PUDP: variants seen among roughly 807,000 people sequenced by gnomAD.
PUDP encodes the protein pseudouridine 5'-phosphatase.
A neutral mutation model predicts 9.4 loss-of-function variants in PUDP; 8 were observed. The ratio of observed to expected loss-of-function variants is 0.85; its 90% CI spans 0.50 to 1.53. The LOEUF (loss-of-function observed/expected upper bound fraction) is 1.53, where lower values mean the gene tolerates loss of function less well. PUDP is among the 40% of genes most tolerant of loss of function. PUDP has a pLI of 0.00. For synonymous variants in PUDP, 99 were observed against 80.7 expected (o/e 1.23, Z -1.22); for missense variants, 188 against 189.7 (o/e 0.99, Z 0.05).
At chrX:6,872,772 C>T (rs1234314559) in intron 3 of PUDP, among the ~76,000 whole-genome samples, 1 of 106,811 alleles carries the variant, frequency 9.4e-6, no homozygotes, top group Non-Finnish European at 1.9e-5. Flanking sequence ...ATTAAGACTT[C>T]AACATATTAT....
chrX:7,022,568 A>G (rs1929648175), intron 1 of PUDP, among the ~76,000 whole-genome samples: 1 of 111,529 alleles, frequency 9.0e-6, no homozygotes, highest in African/African-American at 3.3e-5. Flanking sequence ...GAGAATCACT[A>G]TGGAGCACAT....
In PUDP at chrX:7,105,710, C is replaced by A; in HGVS notation, c.190G>T (p.Val64Phe). The A allele has an allele frequency of 8.3e-7, 1 of 1,209,127 alleles. No individual in the cohort carries two copies. The highest frequency in any genetic ancestry group is 1.1e-6 in the Non-Finnish European group (1 of 893,748). The change falls in exon 2 of 4, where the codon GTC becomes TTC. Residue 64 changes from valine to phenylalanine, a missense_variant. Val to Phe is a conservative substitution (Grantham distance 50). Transcript: ENST00000381077. Reference sequence around the variant, plus strand: ...TCTTTGGACATCGGGAGCTGCAAGACGTCTATTATAATCTGTGCCGCCTCT... The same window carrying A: ...TCTTTGGACATCGGGAGCTGCAAGAAGTCTATTATAATCTGTGCCGCCTCT... Reference protein sequence around the residue: ...ALEAAQIIIDVLQLPMSKEEL... With the variant: ...ALEAAQIIIDFLQLPMSKEEL...
At chrX:6,823,152 G>A (rs912506234) in intron 3 of PUDP, among the ~76,000 whole-genome samples, 7 of 111,261 alleles carry the variant, frequency 6.3e-5, no homozygotes, top group African/African-American at 2.0e-4. Flanking sequence ...ACTTCAGCCC[G>A]GGTGACAAAG....
intron 1 of PUDP, among the ~76,000 whole-genome samples, chrX:6,718,854 A>G (rs1856651332): frequency 1.8e-5 from 2 of 112,139 alleles, no homozygotes; most frequent in Admixed American, 1.9e-4. Context: ...AGATAGCTAC[A>G]GGGCAAAGAA....
intron 3 of PUDP, among the ~76,000 whole-genome samples, chrX:6,755,020 A>G (rs1201306558): frequency 9.0e-6 from 1 of 111,510 alleles, no homozygotes; most frequent in African/African-American, 3.3e-5. Context: ...CCCAAATCAC[A>G]GTGCTGGAGT....
intron 1 of PUDP, among the ~76,000 whole-genome samples, chrX:7,012,473 T>C (rs2054790353): frequency 8.9e-6 from 1 of 111,862 alleles, no homozygotes; most frequent in Non-Finnish European, 1.9e-5. Context: ...AGAGAGTCAC[T>C]GCCGCACGCT....
At chrX:6,976,426 C>T (rs1220417579) in intron 3 of PUDP, among the ~76,000 whole-genome samples, 1 of 111,620 alleles carries the variant, frequency 9.0e-6, no homozygotes, top group Non-Finnish European at 1.9e-5. Flanking sequence ...ATGGCACAGT[C>T]CCTCACAGCT....
rs150302427 is a variant in PUDP, at chrX:6,743,932, C to T, written c.*248-37466G>A. Reference sequence around the variant, plus strand: ...ATAATGACCACATCTATGTAGTAATCGGAACGACCACAGTGTCTTCATGAT... The same window carrying T: ...ATAATGACCACATCTATGTAGTAATTGGAACGACCACAGTGTCTTCATGAT... On this transcript the variant is annotated intron_variant and NMD_transcript_variant, in intron 3 of 3. Coordinates refer to the PUDP transcript ENST00000655425. 1.0e-2 allele frequency among the ~76,000 whole-genome samples: 1,113 copies of T among 111,711 alleles called. 34 individuals carry two copies. The highest frequency in any genetic ancestry group is 0.035 in the African/African-American group (1,058 of 30,538).
chrX:6,816,086 A>G (rs1269206567), intron 3 of PUDP, among the ~76,000 whole-genome samples: 1 of 107,124 alleles, frequency 9.3e-6, no homozygotes, highest in Non-Finnish European at 1.9e-5. Context: ...ATATATACTT[A>G]CAATCTGCTG....
chrX:6,990,878 T>C (rs1334540110), intron 1 of PUDP, among the ~76,000 whole-genome samples: 1 of 112,234 alleles, frequency 8.9e-6, no homozygotes, highest in Admixed American at 9.4e-5. Context: ...ATAAAGAATG[T>C]CAGAATATAA....
intron 1 of PUDP, among the ~76,000 whole-genome samples, chrX:7,017,975 C>T (rs947324796): frequency 3.6e-5 from 4 of 111,671 alleles, no homozygotes; most frequent in African/African-American, 1.3e-4. Flanking sequence ...ACCAAGATGG[C>T]CACAAGAGTG....
intron 3 of PUDP, among the ~76,000 whole-genome samples, chrX:7,065,191 T>G (rs979520256): frequency 4.5e-5 from 5 of 111,272 alleles, no homozygotes; most frequent in Non-Finnish European, 9.4e-5. Flanking sequence ...AAAAACAAAC[T>G]CGGGCTTCTC....
At chrX:7,138,520 G>A (rs1932770292) in intron 1 of PUDP, among the ~76,000 whole-genome samples, 2 of 110,343 alleles carry the variant, frequency 1.8e-5, no homozygotes, top group African/African-American at 3.3e-5. Flanking sequence ...TTACAGGCAC[G>A]CATCACCATG....
chrX:7,026,988 T>C (rs1280455116), intron 1 of PUDP, among the ~76,000 whole-genome samples: 3 of 111,443 alleles, frequency 2.7e-5, no homozygotes, highest in South Asian at 7.5e-4. Flanking sequence ...TAGGAAGAAA[T>C]CTTTCCTCAG....
At chrX:7,092,361 T>C (rs1931444968) in intron 2 of PUDP, among the ~76,000 whole-genome samples, 1 of 112,997 alleles carries the variant, frequency 8.8e-6, no homozygotes. Context: ...ACAGAATACT[T>C]TAAGTTATAG....
intron 1 of PUDP, among the ~76,000 whole-genome samples, chrX:7,027,765 T>G (rs1447880569): frequency 9.2e-5 from 9 of 97,501 alleles, no homozygotes; most frequent in Non-Finnish European, 1.8e-4. Flanking sequence ...ATAGAATATA[T>G]TATTTTCTAT....
intron 3 of PUDP, among the ~76,000 whole-genome samples, chrX:6,865,709 G>A (rs928112472): frequency 2.7e-5 from 3 of 111,035 alleles, no homozygotes; most frequent in Non-Finnish European, 5.7e-5. Flanking sequence ...TGGCAGATAT[G>A]CAAAAAAAGT....
chrX:7,032,230 A>C (rs1333061941), intron 1 of PUDP, among the ~76,000 whole-genome samples: 3 of 112,332 alleles, frequency 2.7e-5, no homozygotes, highest in Admixed American at 1.9e-4. Context: ...GCTACAGTTA[A>C]AACGACTGAC....
intron 1 of PUDP, among the ~76,000 whole-genome samples, chrX:7,017,201 G>A (rs1440062480): frequency 8.9e-6 from 1 of 111,893 alleles, no homozygotes; most frequent in East Asian, 2.8e-4. Flanking sequence ...AGCCAGGAGA[G>A]CATTTTTTCT....
Sources: gnomAD v4.1 joint callset for allele counts (sites outside exome capture counted in the v4.1 genomes callset) on GRCh38, gnomAD v4.1.1 for gene constraint, MANE v1.5 for transcripts, NCBI Gene and HGNC (gene_info 2026-07-23, HGNC 2026-07-21) for gene names.